The following PDE11A variants were observed in gnomAD, a reference collection of about 807,000 sequenced individuals.
The protein encoded by PDE11A is phosphodiesterase 11A.
A neutral mutation model predicts 100.5 loss-of-function variants in PDE11A; 100 were observed. The ratio of observed to expected loss-of-function variants is 1.00; its 90% CI spans 0.85 to 1.18. The LOEUF (loss-of-function observed/expected upper bound fraction) is 1.18. Ranked by LOEUF, PDE11A falls within the 50% of genes most tolerant of loss-of-function variation. The pLI, the probability that PDE11A is intolerant of heterozygous loss-of-function variation, is 0.00. For missense variants in PDE11A, 1,141 were observed against 1,152.6 expected (o/e 0.99, Z 0.15); for synonymous variants, 381 against 420.8 (o/e 0.91, Z 1.16).
intron 2 of PDE11A, among the ~76,000 whole-genome samples, chr2:177,926,741 C>T (rs75242589): frequency 0.023 from 3,557 of 151,512 alleles, 65 homozygotes; most frequent in East Asian, 0.074. Flanking sequence ...TTATTATCTA[C>T]ATTTCCTGGT....
rs1463168147 is a variant in PDE11A, at chr2:177,631,539, A to ACACATGTGTATATATATATATATATC, written c.2647-1978_2647-1977insGATATATATATATATATACACATGTG. 2.8e-3 allele frequency among the ~76,000 whole-genome samples: 77 copies of ACACATGTGTATATATATATATATATC among 27,320 alleles called. 6 individuals carry two copies. Among genetic ancestry groups the ACACATGTGTATATATATATATATATC allele is most frequent in the African/African-American group, 0.011 (74 of 6,900 alleles). The allele number at this position is 27,320 out of a possible 152,430, so 17.9% of individuals were successfully genotyped here. A position where few individuals can be genotyped will look rare whatever the true frequency, so the allele number is the denominator to read the frequency against. On this transcript the variant is annotated intron_variant, in intron 19 of 19. Coordinates refer to ENST00000286063, the MANE Select transcript of PDE11A (RefSeq NM_016953.4). ...TATATATATATATATATATATATATATATATATACACATGTATATATATAT... is the reference window on the plus strand; with the variant it reads ...TATATATATATATATATATATATATACACATGTGTATATATATATATATATCTATATATACACATGTATATATATAT...
chr2:177,853,519 G>A (rs1165530331), intron 5 of PDE11A, among the ~76,000 whole-genome samples: 4 of 150,608 alleles, frequency 2.7e-5, no homozygotes, highest in Non-Finnish European at 5.9e-5. Context: ...TACTAGAGCA[G>A]TCAGGATTCT....
chr2:178,066,136 T>C (rs2087040164), intron 1 of PDE11A, among the ~76,000 whole-genome samples: 1 of 151,986 alleles, frequency 6.6e-6, no homozygotes, highest in Admixed American at 6.6e-5. Flanking sequence ...GAAGAAGTAG[T>C]CCTGGCAGAA....
At chr2:178,061,346 T>C (rs566985185) in intron 1 of PDE11A, among the ~76,000 whole-genome samples, 88 of 152,224 alleles carry the variant, frequency 5.8e-4, no homozygotes, top group South Asian at 1.5e-3. Context: ...GGGATGCTAC[T>C]AAACAACCAT....
chr2:177,672,536 A>G (rs186771494), intron 17 of PDE11A, among the ~76,000 whole-genome samples: 1 of 152,336 alleles, frequency 6.6e-6, no homozygotes, highest in East Asian at 1.9e-4. Context: ...GTATCAAGAT[A>G]GTGAGGAGGC....
chr2:177,665,039 T>C (rs1293024437), intron 18 of PDE11A, among the ~76,000 whole-genome samples: 2 of 152,134 alleles, frequency 1.3e-5, no homozygotes, highest in Non-Finnish European at 2.9e-5. Flanking sequence ...AGGTCACTGA[T>C]TCCACCAGGC....
chr2:177,845,246 C>T (rs1469812007), intron 5 of PDE11A, among the ~76,000 whole-genome samples: 2 of 151,636 alleles, frequency 1.3e-5, no homozygotes, highest in African/African-American at 2.4e-5. Flanking sequence ...GGGTGGCTGC[C>T]GGGCGGAGGG....
At chr2:177,633,526 C>T (rs143484910) in intron 19 of PDE11A, among the ~76,000 whole-genome samples, 19 of 152,338 alleles carry the variant, frequency 1.2e-4, no homozygotes, top group African/African-American at 2.9e-4. Flanking sequence ...TCTCTCTTAA[C>T]AGTGATATTT....
At chr2:178,076,000 C>T (rs1483698979), upstream of PDE11A, among the ~76,000 whole-genome samples, 4 of 152,160 alleles carry the variant, frequency 2.6e-5, no homozygotes, top group East Asian at 7.7e-4. Flanking sequence ...ATCTATAATA[C>T]ACTCCATGAC....
intron 13 of PDE11A, among the ~76,000 whole-genome samples, chr2:177,710,875 G>A (rs750072989): frequency 5.3e-5 from 8 of 152,210 alleles, no homozygotes; most frequent in Admixed American, 6.5e-5. Flanking sequence ...AATAGAGGCT[G>A]ACTTGTTCTA....
At chr2:178,065,929 T>C (rs1197416156) in intron 1 of PDE11A, among the ~76,000 whole-genome samples, 1 of 151,882 alleles carries the variant, frequency 6.6e-6, no homozygotes, top group Non-Finnish European at 1.5e-5. Flanking sequence ...TTCAATGAAG[T>C]ACTAAATATT....
chr2:178,078,697 T>A (rs2105877459), intron 2 of PDE11A, among the ~76,000 whole-genome samples: 1 of 152,224 alleles, frequency 6.6e-6, no homozygotes, highest in East Asian at 1.9e-4. Flanking sequence ...GATAAAAAAG[T>A]TGGTTGGTTT....
chr2:177,917,406 T>C (rs10170290), intron 2 of PDE11A, among the ~76,000 whole-genome samples: 13,070 of 152,246 alleles, frequency 0.086, 533 homozygotes, highest in South Asian at 0.099. Flanking sequence ...CCAAGATCCT[T>C]TCATCCTTGC....
intron 9 of PDE11A, among the ~76,000 whole-genome samples, chr2:177,770,316 A>G (rs2105503088): frequency 6.6e-6 from 1 of 152,354 alleles, no homozygotes. Flanking sequence ...CTGAGCCCCC[A>G]AATAAAGAAG....
At chr2:177,834,349 C>T (rs2083356723) in intron 6 of PDE11A, among the ~76,000 whole-genome samples, 1 of 152,230 alleles carries the variant, frequency 6.6e-6, no homozygotes, top group African/African-American at 2.4e-5. Flanking sequence ...TGCCCCCTTC[C>T]CCACCCCATC....
Position 177,987,912 on chromosome 2 carries a change from C to G in PDE11A, c.1071+26390G>C, listed in dbSNP as rs569425823. Among the ~76,000 whole-genome samples, 61 of 152,288 alleles carry G rather than the reference C, an allele frequency of 4.0e-4. 1 individual carries two copies. The South Asian group carries it at 0.012, about 30-fold the overall frequency. On this transcript the variant is annotated intron_variant, in intron 2 of 19. Coordinates refer to ENST00000286063, the MANE Select transcript of PDE11A (RefSeq NM_016953.4). ...GTAAAGTCTTTCTTCCCCACTGTCACAGTCCATGCATTAAAAGCTGACCAG... is the reference window on the plus strand; with the variant it reads ...GTAAAGTCTTTCTTCCCCACTGTCAGAGTCCATGCATTAAAAGCTGACCAG...
intron 2 of PDE11A, among the ~76,000 whole-genome samples, chr2:177,947,034 G>A (rs1265738317): frequency 9.7e-5 from 11 of 113,724 alleles, no homozygotes; most frequent in Admixed American, 4.0e-4. Flanking sequence ...CCCCCCGCCC[G>A]GCCAGCCGCC....
chr2:177,924,214 T>C (rs1160803423), intron 2 of PDE11A, among the ~76,000 whole-genome samples: 2 of 152,198 alleles, frequency 1.3e-5, no homozygotes, highest in African/African-American at 2.4e-5. Context: ...CTCAAATAAA[T>C]GTAATATGAT....
At chr2:177,738,588 T>C (rs1463696089) in intron 10 of PDE11A, among the ~76,000 whole-genome samples, 1 of 152,238 alleles carries the variant, frequency 6.6e-6, no homozygotes, top group Non-Finnish European at 1.5e-5. Context: ...GTATACTGCT[T>C]CTTAACTCAC....
Sources: gnomAD v4.1 joint callset for allele counts (sites outside exome capture counted in the v4.1 genomes callset) on GRCh38, gnomAD v4.1.1 for gene constraint, MANE v1.5 for transcripts, NCBI Gene and HGNC (gene_info 2026-07-23, HGNC 2026-07-21) for gene names.